The following NRIP1 variants were observed in gnomAD, a reference collection of about 807,000 sequenced individuals.
NRIP1 encodes the protein nuclear receptor-interacting protein 1.
NRIP1 carries 28 observed loss-of-function variants against 75.0 expected under a neutral mutation model. The observed-to-expected ratio is 0.37, with a 90% CI of 0.28 to 0.51. The LOEUF (loss-of-function observed/expected upper bound fraction) is 0.51, where lower values mean the gene tolerates loss of function less well. Ranked by LOEUF, NRIP1 falls within the 20% of genes least tolerant of loss-of-function variation. The probability of loss-of-function intolerance (pLI) is 0.92; values close to 1 mark genes in which losing one functional copy is unlikely to be tolerated. For missense variants in NRIP1, 1,435 were observed against 1,343.7 expected, an observed-to-expected ratio of 1.07 and a Z score of -1.06; for synonymous variants, 526 against 487.6, an observed-to-expected ratio of 1.08 and a Z score of -1.04.
chr21:15,027,746 T>C (rs2088555656), intron 2 of NRIP1, among the ~76,000 whole-genome samples: 1 of 152,166 alleles, frequency 6.6e-6, no homozygotes, highest in Admixed American at 6.6e-5. Flanking sequence ...TTCAATACAC[T>C]TCAGGTTCTT....
In NRIP1 at chr21:15,043,859, C is replaced by G. The variant is rs1394777180; in HGVS notation, c.-537-285G>C. Among the ~76,000 whole-genome samples the G allele has an allele frequency of 3.9e-5, 6 of 152,290 alleles. No individual in the cohort carries two copies. In the East Asian group the frequency reaches 1.2e-3, roughly 29 times the overall value. ...TTTGAGGTGGAGTCTCCCTCTGTCA[C>G]CCAGGCTGGAGTGCAGTGGCGTGAT... is the stretch of plus-strand genomic sequence containing the variant. On this transcript the variant is annotated intron_variant, in intron 1 of 3. Coordinates refer to ENST00000318948, the MANE Select transcript of NRIP1 (RefSeq NM_003489.4).
At chr21:14,984,187 G>A (rs1353893378) in intron 3 of NRIP1, among the ~76,000 whole-genome samples, 1 of 152,124 alleles carries the variant, frequency 6.6e-6, no homozygotes, top group Non-Finnish European at 1.5e-5. Flanking sequence ...TGATTCATGA[G>A]GGGAGGTCAA....
At chr21:15,034,366 T>C (rs1005813035) in intron 2 of NRIP1, among the ~76,000 whole-genome samples, 1 of 152,210 alleles carries the variant, frequency 6.6e-6, no homozygotes, top group Non-Finnish European at 1.5e-5. Flanking sequence ...TCATGCTTTA[T>C]ACTGAAAACT....
intron 3 of NRIP1, among the ~76,000 whole-genome samples, chr21:14,970,838 A>G (rs1342718486): frequency 1.3e-5 from 2 of 152,242 alleles, no homozygotes; most frequent in African/African-American, 2.4e-5. Flanking sequence ...TGTGCATGAT[A>G]TAATTTGCAA....
At chr21:15,040,737 G>T (rs1308236711) in intron 2 of NRIP1, among the ~76,000 whole-genome samples, 1 of 152,080 alleles carries the variant, frequency 6.6e-6, no homozygotes, top group Non-Finnish European at 1.5e-5. Flanking sequence ...ACAAACCCAG[G>T]TTTTGTGAGC....
At chr21:15,007,170 T>G (rs1202273065) in intron 3 of NRIP1, among the ~76,000 whole-genome samples, 1 of 152,208 alleles carries the variant, frequency 6.6e-6, no homozygotes, top group East Asian at 1.9e-4. Context: ...TGGGTTTCCT[T>G]ACAAGCAATG....
rs1978719572 is a variant in NRIP1 at position 15,064,755 on chromosome 21, C to A, written c.-548G>T. 1 of 149,170 alleles carries A rather than the reference C, an allele frequency of 6.7e-6. No homozygotes were observed. The highest frequency in any genetic ancestry group is 2.4e-5 in the African/African-American group (1 of 41,118). The allele number at this position is 149,170 out of a possible 1,614,324, so 9.2% of individuals were successfully genotyped here. On this transcript the variant is annotated 5_prime_UTR_variant, in exon 1 of 4. Coordinates refer to ENST00000318948, the MANE Select transcript of NRIP1 (RefSeq NM_003489.4). ...GCGGCCGTCACTCACCCCAGGCCGCCGCGGCTCCCAGCCTCCGGCTCCGTC... is the reference window on the plus strand; with the variant it reads ...GCGGCCGTCACTCACCCCAGGCCGCAGCGGCTCCCAGCCTCCGGCTCCGTC...
rs2086644657 is a variant in NRIP1, at chr21:14,963,547, A to G, written c.*1169T>C. 1 of 152,556 alleles carries G rather than the reference A, an allele frequency of 6.6e-6. No individual in the cohort carries two copies. 9.5% of individuals were successfully genotyped at this position (152,556 alleles called of 1,614,324 possible). The stretch of plus-strand genomic sequence containing the variant: ...GAGCTGATGTGTGACTGTATTGGGG[A>G]AAATAGAGGCATCACATAGTTTTTT... On this transcript the variant is annotated 3_prime_UTR_variant, in exon 4 of 4. Coordinates refer to ENST00000318948, the MANE Select transcript of NRIP1 (RefSeq NM_003489.4).
At chr21:15,057,129 T>C (rs1014078354) in intron 1 of NRIP1, among the ~76,000 whole-genome samples, 2 of 152,018 alleles carry the variant, frequency 1.3e-5, no homozygotes, top group African/African-American at 2.4e-5. Flanking sequence ...CAGCACAGGA[T>C]AGTCTTTAAC....
At chr21:15,030,697 G>A (rs2088623733) in intron 2 of NRIP1, among the ~76,000 whole-genome samples, 1 of 152,226 alleles carries the variant, frequency 6.6e-6, no homozygotes, top group Admixed American at 6.5e-5. Context: ...TCAGAGGGAG[G>A]AAAACATGGA....
chr21:15,031,264 T>C (rs2088679986), intron 2 of NRIP1, among the ~76,000 whole-genome samples: 1 of 144,472 alleles, frequency 6.9e-6, no homozygotes, highest in Non-Finnish European at 1.5e-5. Flanking sequence ...ACATTCCCTT[T>C]CTATGTGTAT....
intron 3 of NRIP1, among the ~76,000 whole-genome samples, chr21:15,000,438 T>C (rs2087825235): frequency 6.6e-6 from 1 of 152,146 alleles, no homozygotes; most frequent in Admixed American, 6.5e-5. Flanking sequence ...TCCTTTCCTG[T>C]TAAAACAATC....
At chr21:15,045,686 T>C (rs964870996) in intron 1 of NRIP1, among the ~76,000 whole-genome samples, 1 of 152,252 alleles carries the variant, frequency 6.6e-6, no homozygotes, top group Non-Finnish European at 1.5e-5. Flanking sequence ...CTCTGTAGCA[T>C]GTAATGCTGT....
chr21:15,005,567 T>G (rs533825015), intron 3 of NRIP1, among the ~76,000 whole-genome samples: 2 of 152,240 alleles, frequency 1.3e-5, no homozygotes, highest in South Asian at 4.2e-4. Flanking sequence ...TTGTACTGGA[T>G]TTGCAAGACA....
chr21:15,035,560 T>G (rs2088812936), intron 2 of NRIP1, among the ~76,000 whole-genome samples: 2 of 150,648 alleles, frequency 1.3e-5, no homozygotes, highest in Admixed American at 6.6e-5. Flanking sequence ...ATATGACTTT[T>G]TTTTTTTTTT....
In NRIP1 at chr21:14,967,969, C is replaced by T; in HGVS notation, c.224G>A (p.Gly75Glu). Residue 75 changes from glycine to glutamate, a missense_variant, in exon 4 of 4, where the codon GGG becomes GAG. Transcript: ENST00000318948. ...TTTTTTGAGGTGCAGCATGCCAGAC[C>T]CCTGATATGTATGTGTATTGAGAAC... ...GPVLNTHTYQ[G>E]SGMLHLKKAR... The T allele has an allele frequency of 3.1e-6, 5 of 1,613,946 alleles. No homozygotes were observed. Among genetic ancestry groups the T allele is most frequent in the Non-Finnish European group, 4.2e-6 (5 of 1,179,960 alleles).
chr21:15,025,026 A>G (rs2088482657), intron 2 of NRIP1, among the ~76,000 whole-genome samples: 1 of 152,164 alleles, frequency 6.6e-6, no homozygotes, highest in Non-Finnish European at 1.5e-5. Context: ...ATGACAGAGA[A>G]GTCCTTGCAC....
intron 1 of NRIP1, among the ~76,000 whole-genome samples, chr21:15,047,097 G>A (rs2089096330): frequency 6.6e-6 from 1 of 152,262 alleles, no homozygotes; most frequent in South Asian, 2.1e-4. Flanking sequence ...ATTTATAAAG[G>A]AAAGAGGTTT....
chr21:14,977,960 T>C (rs1190111785), intron 3 of NRIP1, among the ~76,000 whole-genome samples: 1 of 152,184 alleles, frequency 6.6e-6, no homozygotes, highest in African/African-American at 2.4e-5. Flanking sequence ...CAGAGACAGG[T>C]GGCATGGACA....
Sources: allele counts gnomAD v4.1 joint callset (sites outside exome capture counted in the v4.1 genomes callset), GRCh38; gene constraint gnomAD v4.1.1; transcripts MANE v1.5; gene names NCBI Gene and HGNC (gene_info 2026-07-23, HGNC 2026-07-21).